CTNNA2: variants seen among roughly 807,000 people sequenced by gnomAD.
The protein encoded by CTNNA2 is catenin alpha 2, also known as catenin alpha-2.
A neutral mutation model predicts 101.0 loss-of-function variants in CTNNA2; 42 were observed. The ratio of observed to expected loss-of-function variants is 0.42; its 90% CI spans 0.32 to 0.54. The LOEUF is 0.54. Among genes scored for constraint, CTNNA2 ranks in the 20% least tolerant of loss-of-function variants. The probability of loss-of-function intolerance (pLI) is 0.14; values close to 1 mark genes in which losing one functional copy is unlikely to be tolerated. For synonymous variants in CTNNA2, 450 were observed against 456.4 expected (o/e 0.99, Z 0.18); for missense variants, 871 against 1,223.1 (o/e 0.71, Z 4.29).
At chr2:79,407,859 A>G (rs113307588) in intron 4 of CTNNA2, among the ~76,000 whole-genome samples, 1 of 152,070 alleles carries the variant, frequency 6.6e-6, no homozygotes, top group Admixed American at 6.6e-5. Flanking sequence ...TAACAAAAGT[A>G]TGCCAAAACA....
intron 7 of CTNNA2, chr2:80,030,390 A>G (rs960213977): frequency 2.0e-5 from 3 of 152,158 alleles, no homozygotes; most frequent in Non-Finnish European, 2.9e-5. Context: ...GGAGAACTCA[A>G]ATTTCTTGAT....
chr2:80,219,504 A>G (rs1708455941), intron 7 of CTNNA2, among the ~76,000 whole-genome samples: 2 of 152,086 alleles, frequency 1.3e-5, no homozygotes, highest in African/African-American at 2.4e-5. Context: ...TCTAATTTCT[A>G]TCGCTTTTGT....
At chr2:80,100,029 A>G (rs565907289) in intron 7 of CTNNA2, among the ~76,000 whole-genome samples, 13 of 152,198 alleles carry the variant, frequency 8.5e-5, no homozygotes, top group Admixed American at 7.8e-4. Flanking sequence ...TCCCAGATTC[A>G]AGCAATTCTC....
intron 7 of CTNNA2, among the ~76,000 whole-genome samples, chr2:80,246,068 A>G (rs1239744796): frequency 1.3e-5 from 2 of 152,030 alleles, no homozygotes; most frequent in Admixed American, 1.3e-4. Context: ...TGCTGGGATT[A>G]TAGGCGAGAT....
At chr2:80,292,464 A>G (rs1675345904) in intron 7 of CTNNA2, among the ~76,000 whole-genome samples, 1 of 152,104 alleles carries the variant, frequency 6.6e-6, no homozygotes, top group African/African-American at 2.4e-5. Flanking sequence ...GAGGATGCTA[A>G]TACTACTCTG....
At position 79,320,471 on chromosome 2, in the gene CTNNA2, C is replaced by T. The variant is rs538030447; in HGVS notation, c.-318+7675C>T. ...CTAGGCACAGGGCGTATTATAGCTT[C>T]TTCCTAGTACTTAATGATGTTGCTC... On this transcript the variant is annotated intron_variant, in intron 3 of 21. Transcript: ENST00000466387. Among the ~76,000 whole-genome samples, 9 of 152,098 alleles carry T rather than the reference C, an allele frequency of 5.9e-5. No individual in the cohort carries two copies. The East Asian group carries it at 1.7e-3, about 29-fold the overall frequency.
chr2:79,497,751 C>T (rs1489423130), intron 4 of CTNNA2, among the ~76,000 whole-genome samples: 1 of 152,270 alleles, frequency 6.6e-6, no homozygotes, highest in South Asian at 2.1e-4. Context: ...TTACTACTCT[C>T]CTTTTGTTTC....
chr2:79,677,778 A>C (rs1683283692), intron 2 of CTNNA2, among the ~76,000 whole-genome samples: 1 of 152,232 alleles, frequency 6.6e-6, no homozygotes, highest in Admixed American at 6.5e-5. Flanking sequence ...AATGTTAAAG[A>C]ATAAAGTAAG....
At chr2:79,418,186 G>A (rs1426418814) in intron 4 of CTNNA2, among the ~76,000 whole-genome samples, 12 of 152,166 alleles carry the variant, frequency 7.9e-5, no homozygotes, top group African/African-American at 2.4e-4. Context: ...TCAAAAGGCC[G>A]ATCTTGGGTT....
chr2:79,988,578 C>G (rs1691939166), intron 7 of CTNNA2, among the ~76,000 whole-genome samples: 2 of 151,948 alleles, frequency 1.3e-5, no homozygotes, highest in African/African-American at 4.8e-5. Flanking sequence ...TTTATTTAAC[C>G]TCAAGTAATT....
At chr2:79,667,419 G>A (rs1217353648) in intron 2 of CTNNA2, among the ~76,000 whole-genome samples, 1 of 152,144 alleles carries the variant, frequency 6.6e-6, no homozygotes, top group Admixed American at 6.5e-5. Flanking sequence ...TATCCAATAG[G>A]TTGCTTTTAC....
intron 7 of CTNNA2, among the ~76,000 whole-genome samples, chr2:80,022,310 G>A (rs988781983): frequency 1.3e-5 from 2 of 152,202 alleles, no homozygotes; most frequent in African/African-American, 4.8e-5. Context: ...TCTTTCCTCA[G>A]GGATTTTATT....
At chr2:80,630,213 GT>G (rs1208147468) in intron 18 of CTNNA2, among the ~76,000 whole-genome samples, 2 of 152,162 alleles carry the variant, frequency 1.3e-5, no homozygotes, top group African/African-American at 4.8e-5. Context: ...TGAAATAAAA[GT>G]TTAAACAAGG....
At chr2:79,464,361 A>G (rs1367042938) in intron 4 of CTNNA2, among the ~76,000 whole-genome samples, 2 of 152,056 alleles carry the variant, frequency 1.3e-5, no homozygotes, top group South Asian at 4.1e-4. Flanking sequence ...TATATGCCAC[A>G]TTTTCTTAAT....
intron 4 of CTNNA2, among the ~76,000 whole-genome samples, chr2:79,432,200 A>G (rs947758319): frequency 6.6e-6 from 1 of 152,154 alleles, no homozygotes; most frequent in African/African-American, 2.4e-5. Context: ...TAATACTAGG[A>G]TGGAACGACA....
chr2:79,722,989 A>G (rs180824174), intron 2 of CTNNA2, among the ~76,000 whole-genome samples: 56 of 152,364 alleles, frequency 3.7e-4, no homozygotes, highest in Admixed American at 5.9e-4. Context: ...TATTTCATAT[A>G]AAGCAAAATG....
intron 15 of CTNNA2, among the ~76,000 whole-genome samples, chr2:80,592,419 C>G (rs796974141): frequency 4.7e-4 from 72 of 152,282 alleles, no homozygotes; most frequent in African/African-American, 1.6e-3. Flanking sequence ...GTTTGCTCTC[C>G]AAGGCCTACC....
At chr2:79,374,808 G>T (rs1159183319) in intron 4 of CTNNA2, among the ~76,000 whole-genome samples, 1 of 152,014 alleles carries the variant, frequency 6.6e-6, no homozygotes, top group African/African-American at 2.4e-5. Context: ...TTCCCATTAG[G>T]CATATTTGGA....
chr2:80,254,406 G>T (rs1671986049), intron 7 of CTNNA2, among the ~76,000 whole-genome samples: 1 of 152,122 alleles, frequency 6.6e-6, no homozygotes, highest in Non-Finnish European at 1.5e-5. Flanking sequence ...AAGAAAGGAT[G>T]GAGGAAAAGT....
Sources: allele counts gnomAD v4.1 joint callset (sites outside exome capture counted in the v4.1 genomes callset), GRCh38; gene constraint gnomAD v4.1.1; transcripts MANE v1.5; gene names NCBI Gene and HGNC (gene_info 2026-07-23, HGNC 2026-07-21).